Variants in SLC26A7 observed in about 807,000 individuals in gnomAD.
SLC26A7 encodes anion exchange transporter.
Under a neutral mutation model 82.5 loss-of-function variants are expected in SLC26A7, and 59 were observed. That is an observed-to-expected ratio of 0.72 (90% CI 0.58 to 0.89). SLC26A7 has a LOEUF of 0.89. Among genes scored for constraint, SLC26A7 ranks in the 40% least tolerant of loss-of-function variants. SLC26A7 has a pLI of 0.00. For missense variants in SLC26A7, 820 were observed against 793.0 expected (o/e 1.03, Z -0.41); for synonymous variants, 271 against 274.3 (o/e 0.99, Z 0.12).
intron 15 of SLC26A7, among the ~76,000 whole-genome samples, chr8:91,379,162 G>T (rs780285958): frequency 2.6e-5 from 4 of 151,926 alleles, no homozygotes; most frequent in Non-Finnish European, 5.9e-5. Flanking sequence ...AATACCTGTA[G>T]CAAGTAAATA....
intron 2 of SLC26A7, among the ~76,000 whole-genome samples, chr8:91,219,441 T>G (rs756097418): frequency 2.7e-4 from 41 of 152,134 alleles, no homozygotes; most frequent in Non-Finnish European, 5.6e-4. Flanking sequence ...TCTACTGACC[T>G]TCACAGAAAA....
At chr8:91,265,247 T>C (rs1462909163) in intron 2 of SLC26A7, among the ~76,000 whole-genome samples, 1 of 152,060 alleles carries the variant, frequency 6.6e-6, no homozygotes, top group Non-Finnish European at 1.5e-5. Context: ...CTGAATAGAA[T>C]TCCATGGTTT....
At chr8:91,350,747 T>C (rs1813691026) in intron 9 of SLC26A7, among the ~76,000 whole-genome samples, 1 of 152,176 alleles carries the variant, frequency 6.6e-6, no homozygotes, top group African/African-American at 2.4e-5. Context: ...TAGTTATTTA[T>C]GATTTTGGCA....
rs1196626743 is a variant in SLC26A7, at chr8:91,249,766, C to A, written c.115C>A (p.Pro39Thr). Reference protein sequence around the residue: ...RRRLPILDWAPHYNLKENLLP... With the variant: ...RRRLPILDWATHYNLKENLLP... ...GCGACTGCCCATTTTGGATTGGGCA[C>A]CACATTACAATCTGAAAGAAAACTT... The change falls in exon 2 of 19, where the codon CCA becomes ACA. Residue 39 changes from proline (P) to threonine (T), a missense_variant. By Grantham distance (38) the Pro-to-Thr change is conservative. Transcript: ENST00000276609. The A allele has an allele frequency of 1.2e-6, 2 of 1,612,156 alleles. No individual in the cohort carries two copies. Among genetic ancestry groups the A allele is most frequent in the Non-Finnish European group, 1.7e-6 (2 of 1,179,044 alleles).
chr8:91,215,263 A>T (rs767974333), intron 1 of SLC26A7, among the ~76,000 whole-genome samples: 77 of 152,284 alleles, frequency 5.1e-4, no homozygotes, highest in Non-Finnish European at 1.0e-3. Flanking sequence ...TTTTCCTGAG[A>T]AAACAGGAAA....
chr8:91,345,917 A>AT (rs1384703049), intron 9 of SLC26A7, among the ~76,000 whole-genome samples: 1 of 151,868 alleles, frequency 6.6e-6, no homozygotes, highest in Non-Finnish European at 1.5e-5. Context: ...TAAATTTGGG[A>AT]TTTTTTTTCA....
chr8:91,228,462 T>C (rs1161961412), intron 2 of SLC26A7, among the ~76,000 whole-genome samples: 1 of 152,202 alleles, frequency 6.6e-6, no homozygotes, highest in African/African-American at 2.4e-5. Flanking sequence ...CTTATTAATA[T>C]CACTGCAGAC....
chr8:91,242,997 C>T (rs1810494221), intron 2 of SLC26A7, among the ~76,000 whole-genome samples: 1 of 151,944 alleles, frequency 6.6e-6, no homozygotes, highest in Non-Finnish European at 1.5e-5. Flanking sequence ...TTATAAAAAC[C>T]TCCTACATAA....
At chr8:91,229,456 A>G (rs1014313132) in intron 2 of SLC26A7, among the ~76,000 whole-genome samples, 1 of 152,184 alleles carries the variant, frequency 6.6e-6, no homozygotes, top group Non-Finnish European at 1.5e-5. Flanking sequence ...ATGAACACCC[A>G]TATACTCATC....
chr8:91,244,553 G>T (rs1810518822), upstream of SLC26A7, among the ~76,000 whole-genome samples: 1 of 151,324 alleles, frequency 6.6e-6, no homozygotes, highest in Non-Finnish European at 1.5e-5. Context: ...GCCCAGGCTG[G>T]AATGCAGTGG....
intron 16 of SLC26A7, among the ~76,000 whole-genome samples, chr8:91,390,610 GT>G (rs1262779774): frequency 5.3e-5 from 8 of 151,986 alleles, no homozygotes; most frequent in Non-Finnish European, 4.4e-5. Flanking sequence ...CTTCCCAGAG[GT>G]TTTCTTACTC....
intron 13 of SLC26A7, among the ~76,000 whole-genome samples, 172 bp from the exon 14 acceptor site, chr8:91,366,408 T>C (rs1586458836): frequency 1.3e-5 from 2 of 152,166 alleles, no homozygotes; most frequent in South Asian, 4.1e-4. Context: ...AAGCAGGAAG[T>C]ATATATTTCC....
intron 4 of SLC26A7, among the ~76,000 whole-genome samples, chr8:91,310,660 C>A (rs1812455775): frequency 6.6e-6 from 1 of 152,114 alleles, no homozygotes; most frequent in African/African-American, 2.4e-5. Context: ...ATATGACCTT[C>A]CAGGAAAATT....
chr8:91,384,462 T>C (rs1049991019), intron 15 of SLC26A7, among the ~76,000 whole-genome samples: 85 of 152,138 alleles, frequency 5.6e-4, no homozygotes, highest in Non-Finnish European at 2.6e-4. Flanking sequence ...TAATCAAATC[T>C]ACAAAGTCCC....
At chr8:91,250,635 C>T (rs1197492193) in intron 2 of SLC26A7, among the ~76,000 whole-genome samples, 1 of 152,074 alleles carries the variant, frequency 6.6e-6, no homozygotes, top group Non-Finnish European at 1.5e-5. Flanking sequence ...AATTTCTGAA[C>T]CTTGAGAATT....
At chr8:91,330,734 T>C (rs1385384018) in intron 5 of SLC26A7, among the ~76,000 whole-genome samples, 1 of 152,176 alleles carries the variant, frequency 6.6e-6, no homozygotes, top group Non-Finnish European at 1.5e-5. Context: ...CAAAGTGATA[T>C]ATTTTCATAA....
intron 15 of SLC26A7, among the ~76,000 whole-genome samples, chr8:91,386,144 T>A (rs981233010): frequency 6.6e-6 from 1 of 152,140 alleles, no homozygotes; most frequent in African/African-American, 2.4e-5. Context: ...TGTCAGACAG[T>A]TATAGATAAT....
chr8:91,252,435 A>G (rs758820468), intron 2 of SLC26A7, among the ~76,000 whole-genome samples: 3 of 152,076 alleles, frequency 2.0e-5, no homozygotes, highest in Non-Finnish European at 4.4e-5. Context: ...TATTATCAGT[A>G]GCATTTTCTG....
chr8:91,273,884 T>C (rs1811337086), intron 2 of SLC26A7, among the ~76,000 whole-genome samples: 1 of 152,228 alleles, frequency 6.6e-6, no homozygotes, highest in Non-Finnish European at 1.5e-5. Flanking sequence ...AAACTTTGTG[T>C]TAGTTGAGGA....
Sources: allele counts gnomAD v4.1 joint callset (sites outside exome capture counted in the v4.1 genomes callset), GRCh38; gene constraint gnomAD v4.1.1; transcripts MANE v1.5; gene names NCBI Gene and HGNC (gene_info 2026-07-23, HGNC 2026-07-21).